PTPRD: variants seen among roughly 807,000 people sequenced by gnomAD.
PTPRD encodes the protein protein tyrosine phosphatase receptor type D.
Under a neutral mutation model 214.5 loss-of-function variants are expected in PTPRD, and 34 were observed. The ratio of observed to expected loss-of-function variants is 0.16; its 90% CI spans 0.12 to 0.21. The LOEUF (loss-of-function observed/expected upper bound fraction) is 0.21. Ranked by LOEUF, PTPRD falls within the 10% of genes least tolerant of loss-of-function variation. The pLI is 1.00. For missense variants in PTPRD, 2,545 were observed against 2,398.7 expected (o/e 1.06, Z -1.27); for synonymous variants, 1,128 against 845.7 (o/e 1.33, Z -5.79).
intron 11 of PTPRD, among the ~76,000 whole-genome samples, chr9:8,903,230 G>T (rs923003682): frequency 6.6e-6 from 1 of 151,916 alleles, no homozygotes; most frequent in African/African-American, 2.4e-5. Context: ...TGACGCCGAG[G>T]CTTGGGATAT....
chr9:8,387,019 G>A (rs1347574725), intron 37 of PTPRD, among the ~76,000 whole-genome samples: 2 of 152,132 alleles, frequency 1.3e-5, no homozygotes, highest in African/African-American at 4.8e-5. Context: ...GATTGGTGGT[G>A]GCTGAGACTC....
At chr9:10,414,229 C>T (rs1028917805) in intron 2 of PTPRD, among the ~76,000 whole-genome samples, 5 of 151,552 alleles carry the variant, frequency 3.3e-5, no homozygotes, top group African/African-American at 9.7e-5. Flanking sequence ...TAACATCTAG[C>T]GTCTATAGGG....
intron 14 of PTPRD, among the ~76,000 whole-genome samples, chr9:8,562,178 C>A (rs1272076134): frequency 6.6e-6 from 1 of 152,038 alleles, no homozygotes; most frequent in Non-Finnish European, 1.5e-5. Flanking sequence ...TTCCTATAGG[C>A]ATCAATAAGC....
chr9:10,506,862 A>G (rs568252475), intron 2 of PTPRD, among the ~76,000 whole-genome samples: 5 of 152,212 alleles, frequency 3.3e-5, no homozygotes, highest in African/African-American at 9.6e-5. Context: ...ATTTTTGGGA[A>G]GTCATCCACA....
At chr9:9,762,428 T>A (rs2154476471) in intron 6 of PTPRD, among the ~76,000 whole-genome samples, 1 of 152,318 alleles carries the variant, frequency 6.6e-6, no homozygotes, top group Non-Finnish European at 1.5e-5. Flanking sequence ...TTTCCAAATC[T>A]TTAGGTTTGG....
intron 3 of PTPRD, among the ~76,000 whole-genome samples, chr9:10,253,688 G>GT (rs1564808813): frequency 6.6e-6 from 1 of 152,132 alleles, no homozygotes. Context: ...TGCTTGGGTA[G>GT]TATCAGCCCA....
At chr9:8,486,437 G>A (rs2135989917) in intron 27 of PTPRD, 88 bp from the exon 28 acceptor site, 1 of 1,134,268 alleles carries the variant, frequency 8.8e-7, no homozygotes, top group Middle Eastern at 1.9e-4. Context: ...CCACTCTACT[G>A]GTATTCCCAT....
intron 3 of PTPRD, among the ~76,000 whole-genome samples, chr9:10,331,405 C>T (rs2096748129): frequency 6.6e-6 from 1 of 151,838 alleles, no homozygotes; most frequent in African/African-American, 2.4e-5. Flanking sequence ...TTAAGCCTTC[C>T]ATCTGAAAGC....
At chr9:9,162,493 A>C (rs1185515384) in intron 10 of PTPRD, among the ~76,000 whole-genome samples, 1 of 152,108 alleles carries the variant, frequency 6.6e-6, no homozygotes, top group Non-Finnish European at 1.5e-5. Flanking sequence ...CTTTTGGGAC[A>C]AGGAAGAGTT....
At chr9:9,258,034 T>A (rs1281383039) in intron 9 of PTPRD, among the ~76,000 whole-genome samples, 1 of 151,754 alleles carries the variant, frequency 6.6e-6, no homozygotes. Flanking sequence ...TTAGTGGTAA[T>A]GAAAGAATTT....
intron 11 of PTPRD, among the ~76,000 whole-genome samples, chr9:8,964,693 A>G (rs2099181368): frequency 1.3e-5 from 2 of 152,180 alleles, no homozygotes; most frequent in South Asian, 2.1e-4. Context: ...GGCATTTAGA[A>G]CTATAAACTT....
chr9:9,149,088 C>T (rs144174494), intron 10 of PTPRD, among the ~76,000 whole-genome samples: 1 of 152,316 alleles, frequency 6.6e-6, no homozygotes, highest in South Asian at 2.1e-4. Context: ...AAGAGTTCAG[C>T]TTCCGCAGTC....
chr9:10,169,532 C>G (rs936603957), intron 3 of PTPRD, among the ~76,000 whole-genome samples: 16 of 144,332 alleles, frequency 1.1e-4, no homozygotes, highest in Admixed American at 3.5e-4. Flanking sequence ...TGACAGAGAA[C>G]TGAGGTGGCT....
chr9:10,221,142 T>C (rs1174039488), intron 3 of PTPRD, among the ~76,000 whole-genome samples: 3 of 150,884 alleles, frequency 2.0e-5, no homozygotes, highest in Non-Finnish European at 3.0e-5. Context: ...TATTTCCCTA[T>C]CAATGTCTTC....
intron 10 of PTPRD, among the ~76,000 whole-genome samples, chr9:9,080,508 T>C (rs1053791871): frequency 1.3e-5 from 2 of 152,032 alleles, no homozygotes; most frequent in African/African-American, 4.8e-5. Context: ...ATTATCCTCT[T>C]TTTTGAGGTT....
intron 10 of PTPRD, among the ~76,000 whole-genome samples, chr9:9,106,318 A>T (rs2099798483): frequency 6.6e-6 from 1 of 152,038 alleles, no homozygotes; most frequent in South Asian, 2.1e-4. Flanking sequence ...ATATTAATAC[A>T]ATAATAACAA....
rs773166856 is a variant in PTPRD at position 8,499,772 on chromosome 9, G to A, written c.2197C>T (p.Arg733Cys). 10 of 1,613,958 alleles carry A rather than the reference G, an allele frequency of 6.2e-6. No homozygotes were observed. Among genetic ancestry groups the A allele is most frequent in the Non-Finnish European group, 7.6e-6 (9 of 1,179,950 alleles). Residue 733 changes from arginine to cysteine, a missense_variant, in exon 25 of 46, where the codon CGC (arginine) becomes TGC (cysteine). By Grantham distance (180) the Arg-to-Cys change is radical. Transcript: ENST00000381196. Reference protein sequence around the residue: ...VNSTSVKVSWRSPVPNKQHGQ... With the variant: ...VNSTSVKVSWCSPVPNKQHGQ... ...TGCTGTTTATTGGGCACGGGTGAGC[G>A]CCATGAGACTTTAACAGATGTTGAG...
chr9:9,541,028 C>G (rs2077481801), intron 8 of PTPRD, among the ~76,000 whole-genome samples: 1 of 151,446 alleles, frequency 6.6e-6, no homozygotes, highest in African/African-American at 2.4e-5. Flanking sequence ...AAACAAATAC[C>G]TCGTTCTAGG....
At chr9:9,268,931 C>T (rs1941505638) in intron 9 of PTPRD, among the ~76,000 whole-genome samples, 1 of 150,122 alleles carries the variant, frequency 6.7e-6, no homozygotes, top group South Asian at 2.1e-4. Context: ...AGAAAAGCTC[C>T]ATGACACAGG....
Sources: allele counts gnomAD v4.1 joint callset (sites outside exome capture counted in the v4.1 genomes callset), GRCh38; gene constraint gnomAD v4.1.1; transcripts MANE v1.5; gene names NCBI Gene and HGNC (gene_info 2026-07-23, HGNC 2026-07-21).